The following CDK19 variants were observed in gnomAD, a reference collection of about 807,000 sequenced individuals.
The protein encoded by CDK19 is cyclin dependent kinase 19, also known as cyclin-dependent kinase 19.
In CDK19, 20 loss-of-function variants were observed where a neutral mutation model predicts 68.3. That is an observed-to-expected ratio of 0.29 (90% CI 0.21 to 0.43). CDK19 has a LOEUF of 0.43. CDK19 is among the 20% of genes least tolerant of loss of function. CDK19 has a pLI of 1.00. For synonymous variants in CDK19, 221 were observed against 222.8 expected (o/e 0.99, Z 0.07); for missense variants, 339 against 623.5 (o/e 0.54, Z 4.86).
At chr6:110,804,683 C>G (rs1268512510) in intron 1 of CDK19, among the ~76,000 whole-genome samples, 1 of 148,230 alleles carries the variant, frequency 6.7e-6, no homozygotes, top group Non-Finnish European at 1.5e-5. Flanking sequence ...TTGCCGGGCG[C>G]GGTGGCTCAC....
intron 6 of CDK19, among the ~76,000 whole-genome samples, chr6:110,628,915 T>C (rs1456013152): frequency 6.6e-6 from 1 of 152,232 alleles, no homozygotes; most frequent in Non-Finnish European, 1.5e-5. Flanking sequence ...TCCTTAATGA[T>C]GCAGCAAGGT....
At chr6:110,751,779 G>C (rs576682055) in intron 1 of CDK19, among the ~76,000 whole-genome samples, 10 of 151,200 alleles carry the variant, frequency 6.6e-5, no homozygotes, top group Non-Finnish European at 1.0e-4. Flanking sequence ...TCTAAAATAA[G>C]ACAGTATTAC....
intron 6 of CDK19, 21 bp from the exon 7 acceptor site, chr6:110,627,166 G>A (rs369686665): frequency 1.1e-5 from 17 of 1,575,046 alleles, no homozygotes; most frequent in Non-Finnish European, 1.2e-5. Context: ...AGAAACATAA[G>A]TTTTTGTATA....
chr6:110,734,105 G>A (rs1448626171), intron 2 of CDK19, among the ~76,000 whole-genome samples: 1 of 151,978 alleles, frequency 6.6e-6, no homozygotes, highest in Non-Finnish European at 1.5e-5. Flanking sequence ...CACCTCCCAG[G>A]TTCAAGCAAT....
intron 1 of CDK19, among the ~76,000 whole-genome samples, chr6:110,751,819 G>A (rs1156450570): frequency 2.0e-5 from 3 of 149,650 alleles, no homozygotes; most frequent in African/African-American, 4.9e-5. Flanking sequence ...TTACTAGTAA[G>A]ACATTCTTCA....
At chr6:110,783,269 G>A (rs1224256154) in intron 1 of CDK19, among the ~76,000 whole-genome samples, 1 of 152,146 alleles carries the variant, frequency 6.6e-6, no homozygotes, top group Non-Finnish European at 1.5e-5. Context: ...ACTTTTCGGA[G>A]TGTAATAGCT....
chr6:110,731,171 A>T (rs1776732710), intron 2 of CDK19, among the ~76,000 whole-genome samples: 1 of 152,182 alleles, frequency 6.6e-6, no homozygotes, highest in Admixed American at 6.6e-5. Flanking sequence ...TTAATTTAGA[A>T]TATCAAGCTC....
At position 110,678,804 on chromosome 6, in the gene CDK19, T is replaced by C. The variant is rs187607477; in HGVS notation, c.205-8263A>G. Among the ~76,000 whole-genome samples, 25 of 152,372 alleles carry C rather than the reference T, an allele frequency of 1.6e-4. No individual in the cohort carries two copies. In the East Asian group the frequency reaches 2.9e-3, roughly 18 times the overall value. On this transcript the variant is annotated intron_variant, in intron 2 of 12. Coordinates refer to ENST00000368911, the MANE Select transcript of CDK19 (RefSeq NM_015076.5). ...ATTTTACAACTCTGTACATTACACA[T>C]AACTGATAACGATGCAGAATAATTC... is the stretch of plus-strand genomic sequence containing the variant.
chr6:110,741,424 G>A (rs764930046), intron 2 of CDK19, among the ~76,000 whole-genome samples: 1 of 151,706 alleles, frequency 6.6e-6, no homozygotes, highest in Non-Finnish European at 1.5e-5. Context: ...TTATGCCACT[G>A]CACTCCAGCC....
chr6:110,811,028 T>C lies in CDK19; in HGVS notation c.128+3981A>G, dbSNP rs554856191. 2.2e-3 allele frequency among the ~76,000 whole-genome samples: 332 copies of C among 152,308 alleles called. 4 individuals carry two copies. The highest frequency in any genetic ancestry group is 3.5e-3 in the Admixed American group (54 of 15,278). On this transcript the variant is annotated intron_variant, in intron 1 of 12. Transcript: ENST00000368911. ...AATGCAAGAACTCTTGAGTTAGATG[T>C]GGATTACAGGCTATCTCTGCTGTGA...
Position 110,694,024 on chromosome 6 carries a change from A to C in CDK19, c.205-23483T>G, listed in dbSNP as rs536799390. ...AAAACCTCAAAATACACCAAAATAG[A>C]ACCTCCTCATAGCATAAATCTCACA... On this transcript the variant is annotated intron_variant, in intron 2 of 12. Coordinates refer to ENST00000368911, the MANE Select transcript of CDK19 (RefSeq NM_015076.5). Among the ~76,000 whole-genome samples the C allele has an allele frequency of 4.7e-4, 72 of 152,060 alleles. 1 individual carries two copies. The South Asian group carries it at 0.014, about 30-fold the overall frequency.
chr6:110,644,308 T>TA (rs1780400169), intron 4 of CDK19, among the ~76,000 whole-genome samples: 1 of 150,782 alleles, frequency 6.6e-6, no homozygotes, highest in African/African-American at 2.4e-5. Context: ...AAAAAAAAAT[T>TA]AAAAAAATTG....
At chr6:110,793,056 A>C (rs1351054846) in intron 1 of CDK19, among the ~76,000 whole-genome samples, 1 of 152,204 alleles carries the variant, frequency 6.6e-6, no homozygotes, top group Non-Finnish European at 1.5e-5. Context: ...GATTTGAAAT[A>C]GGTTTTCAAA....
At chr6:110,778,220 T>C (rs1444956274) in intron 1 of CDK19, among the ~76,000 whole-genome samples, 1 of 152,162 alleles carries the variant, frequency 6.6e-6, no homozygotes, top group South Asian at 2.1e-4. Flanking sequence ...AAAAGAAAAA[T>C]AAAATTATTT....
rs796806924 is a variant in CDK19 at position 110,622,759 on chromosome 6, C to T, written c.1031+56G>A. On this transcript the variant is annotated intron_variant, in intron 10 of 12. Transcript: ENST00000368911. Reference sequence around the variant, plus strand: ...AGCAAGTGCTTCCCTTGCTTTCAACCACCATGCAGCCTCCTCAGCCTGGAG... The same window carrying T: ...AGCAAGTGCTTCCCTTGCTTTCAACTACCATGCAGCCTCCTCAGCCTGGAG... 65 of 1,111,400 alleles carry T rather than the reference C, an allele frequency of 5.8e-5. No individual in the cohort carries two copies. The South Asian group carries it at 7.6e-4, about 13-fold the overall frequency. The allele number at this position is 1,111,400 out of a possible 1,614,324, so 68.8% of individuals were successfully genotyped here.
chr6:110,651,266 C>T (rs200153864), intron 4 of CDK19, among the ~76,000 whole-genome samples: 3 of 87,538 alleles, frequency 3.4e-5, no homozygotes, highest in African/African-American at 9.3e-5. Context: ...TCTATCTATC[C>T]GTCTAACACC....
In CDK19 at chr6:110,678,005, C is replaced by A. The variant is rs527701386; in HGVS notation, c.205-7464G>T. Among the ~76,000 whole-genome samples the A allele has an allele frequency of 7.2e-5, 11 of 152,182 alleles. No individual in the cohort carries two copies. The South Asian group carries it at 2.3e-3, about 32-fold the overall frequency. ...GAGACTACAGCTGTGAGCCACCATGCCCAGCTGATTTTTTTATTTTTTTGT... is the reference window on the plus strand; with the variant it reads ...GAGACTACAGCTGTGAGCCACCATGACCAGCTGATTTTTTTATTTTTTTGT... On this transcript the variant is annotated intron_variant, in intron 2 of 12. Coordinates refer to ENST00000368911, the MANE Select transcript of CDK19 (RefSeq NM_015076.5).
chr6:110,648,878 C>T (rs752334589), intron 4 of CDK19, among the ~76,000 whole-genome samples: 6 of 152,006 alleles, frequency 3.9e-5, no homozygotes, highest in Non-Finnish European at 7.4e-5. Flanking sequence ...CCGCCATACC[C>T]GGCTCATTTT....
chr6:110,775,048 C>T (rs530781852), intron 1 of CDK19, among the ~76,000 whole-genome samples: 1 of 152,132 alleles, frequency 6.6e-6, no homozygotes, highest in South Asian at 2.1e-4. Flanking sequence ...GAGATCGAGA[C>T]CATCCTGGCC....
Sources: allele counts gnomAD v4.1 joint callset (sites outside exome capture counted in the v4.1 genomes callset), GRCh38; gene constraint gnomAD v4.1.1; transcripts MANE v1.5; gene names NCBI Gene and HGNC (gene_info 2026-07-23, HGNC 2026-07-21).